PTPRD: variants seen among roughly 807,000 people sequenced by gnomAD.
PTPRD encodes receptor-type tyrosine-protein phosphatase delta.
PTPRD carries 34 observed loss-of-function variants against 214.5 expected under a neutral mutation model. The ratio of observed to expected loss-of-function variants is 0.16; its 90% CI spans 0.12 to 0.21. The LOEUF (loss-of-function observed/expected upper bound fraction) is 0.21. Ranked by LOEUF, PTPRD falls within the 10% of genes least tolerant of loss-of-function variation. The probability of loss-of-function intolerance (pLI) is 1.00; values close to 1 mark genes in which losing one functional copy is unlikely to be tolerated. For missense variants in PTPRD, 2,545 were observed against 2,398.7 expected, an observed-to-expected ratio of 1.06 and a Z score of -1.27; for synonymous variants, 1,128 against 845.7, an observed-to-expected ratio of 1.33 and a Z score of -5.79.
intron 7 of PTPRD, among the ~76,000 whole-genome samples, chr9:9,590,919 C>G (rs2092660731): frequency 6.6e-6 from 1 of 151,970 alleles, no homozygotes; most frequent in African/African-American, 2.4e-5. Context: ...TTTGGAGGAA[C>G]AGAAGATGCA....
At chr9:8,425,827 C>G (rs1231319256) in intron 35 of PTPRD, among the ~76,000 whole-genome samples, 1 of 152,080 alleles carries the variant, frequency 6.6e-6, no homozygotes, top group Non-Finnish European at 1.5e-5. Context: ...AATAATGTGT[C>G]TAGGGGCATT....
At chr9:10,436,921 A>G (rs620558) in intron 2 of PTPRD, among the ~76,000 whole-genome samples, 23,797 of 151,750 alleles carry the variant, frequency 0.16, 3,418 homozygotes, top group African/African-American at 0.37. Flanking sequence ...TACTAAATGT[A>G]GATGCAAGAT....
At chr9:9,852,692 A>G (rs528400842) in intron 5 of PTPRD, among the ~76,000 whole-genome samples, 3 of 152,140 alleles carry the variant, frequency 2.0e-5, no homozygotes, top group Non-Finnish European at 1.5e-5. Flanking sequence ...TAAAGTAACA[A>G]TTACCAAATT....
At chr9:8,433,551 T>C (rs900138149) in intron 35 of PTPRD, among the ~76,000 whole-genome samples, 4 of 152,206 alleles carry the variant, frequency 2.6e-5, no homozygotes, top group East Asian at 1.9e-4. Flanking sequence ...GACAGTGATA[T>C]TGATGATTCT....
At chr9:10,582,273 G>A (rs753550943) in intron 2 of PTPRD, among the ~76,000 whole-genome samples, 14 of 152,038 alleles carry the variant, frequency 9.2e-5, no homozygotes, top group East Asian at 1.9e-4. Context: ...TTTCTATACC[G>A]GACCTTGTTT....
intron 11 of PTPRD, among the ~76,000 whole-genome samples, chr9:8,810,014 A>G (rs963321811): frequency 1.6e-4 from 24 of 152,158 alleles, no homozygotes; most frequent in Non-Finnish European, 5.9e-5. Flanking sequence ...ATGTGGGCCA[A>G]TTCATCAGTC....
At chr9:9,513,872 T>C (rs2096771289) in intron 8 of PTPRD, among the ~76,000 whole-genome samples, 1 of 151,954 alleles carries the variant, frequency 6.6e-6, no homozygotes, top group African/African-American at 2.4e-5. Context: ...CTTCCTCAAA[T>C]AAAAAGGGAG....
At chr9:9,187,621 C>T (rs1420484544) in intron 9 of PTPRD, among the ~76,000 whole-genome samples, 3 of 151,836 alleles carry the variant, frequency 2.0e-5, no homozygotes, top group African/African-American at 7.3e-5. Context: ...TCTCTCTCAA[C>T]CTTGTTCTAA....
At chr9:9,403,221 G>T (rs2071588786) in intron 8 of PTPRD, among the ~76,000 whole-genome samples, 1 of 144,102 alleles carries the variant, frequency 6.9e-6, no homozygotes, top group East Asian at 2.1e-4. Flanking sequence ...CACTCAGGAG[G>T]CAGAGGTCTC....
intron 11 of PTPRD, among the ~76,000 whole-genome samples, chr9:8,946,922 T>C (rs1185077614): frequency 1.3e-5 from 2 of 151,732 alleles, no homozygotes; most frequent in Non-Finnish European, 2.9e-5. Flanking sequence ...TCTAACTGTG[T>C]CTCTTTATTG....
chr9:9,837,743 G>A (rs1458707204), intron 5 of PTPRD, among the ~76,000 whole-genome samples: 1 of 151,464 alleles, frequency 6.6e-6, no homozygotes, highest in Non-Finnish European at 1.5e-5. Context: ...TCTGTTCTCT[G>A]TCCTTGCTGC....
intron 35 of PTPRD, among the ~76,000 whole-genome samples, chr9:8,435,727 A>G (rs1050293245): frequency 1.3e-5 from 2 of 151,778 alleles, no homozygotes; most frequent in Admixed American, 6.6e-5. Flanking sequence ...ACACACACAC[A>G]CACGCACGCA....
At chr9:9,657,743 T>C (rs939993966) in intron 7 of PTPRD, among the ~76,000 whole-genome samples, 6 of 152,232 alleles carry the variant, frequency 3.9e-5, no homozygotes, top group Non-Finnish European at 2.9e-5. Context: ...TTCTTTGACA[T>C]AGGACCCACA....
chr9:9,336,375 G>T (rs1332747303), intron 9 of PTPRD, among the ~76,000 whole-genome samples: 1 of 152,020 alleles, frequency 6.6e-6, no homozygotes, highest in African/African-American at 2.4e-5. Flanking sequence ...TCAACTTTTG[G>T]GTTCCTAAAT....
At chr9:10,236,254 A>G (rs1401756732) in intron 3 of PTPRD, among the ~76,000 whole-genome samples, 2 of 151,936 alleles carry the variant, frequency 1.3e-5, no homozygotes, top group African/African-American at 4.8e-5. Context: ...ATACAGATTT[A>G]ATTGGCAAAT....
chr9:9,985,259 A>G (rs757159593), intron 4 of PTPRD, among the ~76,000 whole-genome samples: 3 of 152,182 alleles, frequency 2.0e-5, no homozygotes, highest in Non-Finnish European at 4.4e-5. Context: ...GTCCTAGAGT[A>G]CCAGAGATAG....
intron 2 of PTPRD, among the ~76,000 whole-genome samples, chr9:10,430,791 T>G (rs1431593590): frequency 6.6e-6 from 1 of 151,998 alleles, no homozygotes; most frequent in African/African-American, 2.4e-5. Context: ...GATTAGTACA[T>G]GGTAGGAGGC....
At chr9:10,515,377 T>C (rs1459097271) in intron 2 of PTPRD, among the ~76,000 whole-genome samples, 3 of 151,632 alleles carry the variant, frequency 2.0e-5, no homozygotes, top group East Asian at 1.9e-4. Flanking sequence ...ATCAAAACTA[T>C]AGACTACTTG....
chr9:10,240,759 GA>G (rs749650383), intron 3 of PTPRD, among the ~76,000 whole-genome samples: 5 of 151,816 alleles, frequency 3.3e-5, no homozygotes, highest in Non-Finnish European at 5.9e-5. Context: ...TCTGCATGAA[GA>G]AAATATGGAT....
Sources: allele counts gnomAD v4.1 joint callset (sites outside exome capture counted in the v4.1 genomes callset), GRCh38; gene constraint gnomAD v4.1.1; transcripts MANE v1.5; gene names NCBI Gene and HGNC (gene_info 2026-07-23, HGNC 2026-07-21).